Variants in WWOX observed in about 807,000 individuals in gnomAD.
The protein encoded by WWOX is WW domain-containing oxidoreductase.
A neutral mutation model predicts 46.2 loss-of-function variants in WWOX; 69 were observed. That is an observed-to-expected ratio of 1.49 (90% CI 1.23 to 1.82). WWOX has a LOEUF of 1.82. WWOX is among the 40% of genes most tolerant of loss of function. WWOX has a pLI of 0.00. For missense variants in WWOX, 919 were observed against 542.6 expected, an observed-to-expected ratio of 1.69 and a Z score of -6.89; for synonymous variants, 359 against 202.6, an observed-to-expected ratio of 1.77 and a Z score of -6.56.
chr16:78,312,604 A>C (rs1019588853), intron 5 of WWOX, among the ~76,000 whole-genome samples: 1 of 152,070 alleles, frequency 6.6e-6, no homozygotes, highest in Non-Finnish European at 1.5e-5. Context: ...CGAACTCCTG[A>C]CCTGAGGTGA....
At chr16:78,785,490 A>G (rs544097088) in intron 8 of WWOX, among the ~76,000 whole-genome samples, 1 of 152,226 alleles carries the variant, frequency 6.6e-6, no homozygotes, top group East Asian at 1.9e-4. Context: ...TTGTGCACCT[A>G]TACATGTACA....
chr16:78,891,408 T>C (rs2044588019), intron 8 of WWOX: 1 of 152,130 alleles, frequency 6.6e-6, no homozygotes, highest in Admixed American at 6.5e-5. Flanking sequence ...GAATACAGAG[T>C]TAAAAAGGTG....
intron 8 of WWOX, among the ~76,000 whole-genome samples, chr16:78,513,232 C>T (rs1181173474): frequency 6.6e-6 from 1 of 152,194 alleles, no homozygotes; most frequent in East Asian, 1.9e-4. Flanking sequence ...ATAAATTATA[C>T]TTCAAAGATG....
At chr16:79,131,619 G>A (rs1437194780) in intron 8 of WWOX, among the ~76,000 whole-genome samples, 3 of 152,144 alleles carry the variant, frequency 2.0e-5, no homozygotes, top group African/African-American at 7.2e-5. Flanking sequence ...AAGTCACACT[G>A]GAAGGATATA....
chr16:79,190,698 A>T (rs1050692870), intron 8 of WWOX, among the ~76,000 whole-genome samples: 1 of 152,218 alleles, frequency 6.6e-6, no homozygotes, highest in Non-Finnish European at 1.5e-5. Context: ...ACTACAGTTC[A>T]TGGACCAAAT....
intron 5 of WWOX, among the ~76,000 whole-genome samples, chr16:78,363,468 A>C (rs1452320238): frequency 1.3e-5 from 2 of 151,892 alleles, no homozygotes; most frequent in African/African-American, 4.8e-5. Flanking sequence ...TTGTAGTGAC[A>C]GTGTCTTGCT....
chr16:78,830,979 C>T (rs1439412501), intron 8 of WWOX, among the ~76,000 whole-genome samples: 1 of 152,268 alleles, frequency 6.6e-6, no homozygotes, highest in Non-Finnish European at 1.5e-5. Flanking sequence ...AAACCATGTT[C>T]TTTTAAAGGG....
At chr16:78,790,097 A>T (rs1020263218) in intron 8 of WWOX, among the ~76,000 whole-genome samples, 1 of 152,014 alleles carries the variant, frequency 6.6e-6, no homozygotes, top group Non-Finnish European at 1.5e-5. Flanking sequence ...AATACCTAAA[A>T]TCGAGTACTG....
intron 4 of WWOX, among the ~76,000 whole-genome samples, chr16:78,131,200 C>G (rs557293476): frequency 6.6e-6 from 1 of 152,284 alleles, no homozygotes; most frequent in South Asian, 2.1e-4. Flanking sequence ...CTTTGTGCTT[C>G]TAGAGAACAT....
chr16:78,398,598 G>A lies in WWOX; in HGVS notation c.605+11650G>A, dbSNP rs1398927375. Among the ~76,000 whole-genome samples, 6 of 152,164 alleles carry A rather than the reference G, an allele frequency of 3.9e-5. No homozygotes were observed. In the East Asian group the frequency reaches 1.2e-3, roughly 29 times the overall value. On this transcript the variant is annotated intron_variant, in intron 6 of 8. Coordinates refer to ENST00000566780, the MANE Select transcript of WWOX (RefSeq NM_016373.4). ...AATCATTGTACATGGAATACTTCGGGGATGCTTTTTTCTATATTGATTTTA... is the reference window on the plus strand; with the variant it reads ...AATCATTGTACATGGAATACTTCGGAGATGCTTTTTTCTATATTGATTTTA...
At chr16:78,453,519 G>C (rs547716978) in intron 8 of WWOX, among the ~76,000 whole-genome samples, 35 of 152,300 alleles carry the variant, frequency 2.3e-4, no homozygotes, top group African/African-American at 7.9e-4. Flanking sequence ...CTTGTAGACA[G>C]TAAGGACTCA....
intron 8 of WWOX, among the ~76,000 whole-genome samples, chr16:78,998,109 CA>C (rs1400635333): frequency 6.6e-6 from 1 of 152,126 alleles, no homozygotes; most frequent in Non-Finnish European, 1.5e-5. Context: ...CTCCTGACCT[CA>C]GGTGATCCCG....
chr16:79,084,505 C>A (rs977167161), intron 8 of WWOX, among the ~76,000 whole-genome samples: 3 of 152,186 alleles, frequency 2.0e-5, no homozygotes, highest in African/African-American at 7.2e-5. Context: ...ACTGCAACCT[C>A]TGCAACCCAG....
intron 6 of WWOX, among the ~76,000 whole-genome samples, chr16:78,391,814 G>A (rs2082178956): frequency 6.6e-6 from 1 of 152,130 alleles, no homozygotes; most frequent in Non-Finnish European, 1.5e-5. Flanking sequence ...TCATGCCTGG[G>A]GGACAGTGAG....
chr16:78,268,556 G>A (rs1310142604), intron 5 of WWOX, among the ~76,000 whole-genome samples: 2 of 152,154 alleles, frequency 1.3e-5, no homozygotes, highest in Non-Finnish European at 2.9e-5. Context: ...AGTGGGTAGA[G>A]GCAGAATTTC....
At chr16:78,479,261 A>T (rs1268538175) in intron 8 of WWOX, among the ~76,000 whole-genome samples, 1 of 152,222 alleles carries the variant, frequency 6.6e-6, no homozygotes, top group Non-Finnish European at 1.5e-5. Flanking sequence ...TTCAGACAGT[A>T]AGGATATGGA....
chr16:78,570,767 T>C (rs1165014688), intron 8 of WWOX, among the ~76,000 whole-genome samples: 2 of 152,086 alleles, frequency 1.3e-5, no homozygotes, highest in East Asian at 1.9e-4. Flanking sequence ...ATAAAATATA[T>C]TCCAGTGGCG....
intron 5 of WWOX, among the ~76,000 whole-genome samples, chr16:78,377,370 T>G (rs2081854471): frequency 6.6e-6 from 1 of 152,230 alleles, no homozygotes; most frequent in South Asian, 2.1e-4. Context: ...TATTATTTAT[T>G]TCAGCTATTT....
chr16:78,189,509 G>C (rs1337274403), intron 5 of WWOX, among the ~76,000 whole-genome samples: 1 of 152,192 alleles, frequency 6.6e-6, no homozygotes, highest in East Asian at 1.9e-4. Context: ...ACAGTTTTAA[G>C]TGAAACCACA....
Sources: allele counts gnomAD v4.1 joint callset (sites outside exome capture counted in the v4.1 genomes callset), GRCh38; gene constraint gnomAD v4.1.1; transcripts MANE v1.5; gene names NCBI Gene and HGNC (gene_info 2026-07-23, HGNC 2026-07-21).